ANO3: variants seen among roughly 807,000 people sequenced by gnomAD.
The protein encoded by ANO3 is anoctamin 3.
A neutral mutation model predicts 144.8 loss-of-function variants in ANO3; 99 were observed. That is an observed-to-expected ratio of 0.68 (90% CI 0.58 to 0.81). The LOEUF (loss-of-function observed/expected upper bound fraction) is 0.81. ANO3 is among the 30% of genes least tolerant of loss of function. ANO3 has a pLI of 0.00. For synonymous variants in ANO3, 414 were observed against 392.6 expected (o/e 1.05, Z -0.64); for missense variants, 905 against 1,202.2 (o/e 0.75, Z 3.66).
chr11:26,570,724 T>G (rs1193402972), intron 14 of ANO3, among the ~76,000 whole-genome samples: 6 of 152,186 alleles, frequency 3.9e-5, no homozygotes, highest in Admixed American at 1.3e-4. Context: ...TTTGTTTGTC[T>G]CTCAAAGAAA....
chr11:26,572,261 ATT>A, intron 14 of ANO3: 1 of 985,094 alleles, frequency 1.0e-6, no homozygotes, highest in Non-Finnish European at 1.2e-6. Context: ...AGCTGTAAGC[ATT>A]AAGATATCAC....
chr11:26,251,722 T>C (rs1006176142), intron 1 of ANO3, among the ~76,000 whole-genome samples: 1 of 152,138 alleles, frequency 6.6e-6, no homozygotes, highest in South Asian at 2.1e-4. Flanking sequence ...CTTACAATAA[T>C]GGCAGAAGGC....
intron 14 of ANO3, chr11:26,561,126 T>C: frequency 6.2e-7 from 1 of 1,612,962 alleles, no homozygotes. Flanking sequence ...TGCATTTTCT[T>C]CACTTTCTGG....
At chr11:26,301,832 T>C (rs1854239748) in intron 1 of ANO3, among the ~76,000 whole-genome samples, 1 of 152,244 alleles carries the variant, frequency 6.6e-6, no homozygotes, top group African/African-American at 2.4e-5. Flanking sequence ...CCCCCATTGA[T>C]GTCATCTCAA....
At position 26,465,150 on chromosome 11, in the gene ANO3, G is replaced by C. The variant is rs538949744; in HGVS notation, c.432+2002G>C. Among the ~76,000 whole-genome samples, 559 of 149,412 alleles carry C rather than the reference G, an allele frequency of 3.7e-3. 2 individuals are homozygous for C. The highest frequency in any genetic ancestry group is 0.013 in the African/African-American group (523 of 39,922). On this transcript the variant is annotated intron_variant, in intron 4 of 26. Transcript: ENST00000256737. ...TGTGTGTGTGTGTGTGTGTGTGTGT[G>C]TGTGTGTGTGTCTGTGTGTGAATTA...
rs908308999 is a variant in ANO3, at chr11:26,647,755, C to A, written c.2475C>A (p.Ile825=). The change falls in exon 24 of 27, where the codon ATC becomes ATA. Residue 825 remains isoleucine (I), a synonymous_variant. Transcript: ENST00000256737. ...AAGGAATCGGTATATTGGCTGTGAT[C>A]ACCAATGCATTTGTAATTGCTATTA... The part of the protein sequence containing the change: ...ILEGIGILAV[I]TNAFVIAITS... 1 of 1,612,492 alleles carries A rather than the reference C, an allele frequency of 6.2e-7. No homozygotes were observed. Among genetic ancestry groups the A allele is most frequent in the Middle Eastern group, 1.7e-4 (1 of 6,054 alleles).
intron 14 of ANO3, chr11:26,563,239 C>T (rs768389893): frequency 1.7e-5 from 27 of 1,605,578 alleles, no homozygotes; most frequent in African/African-American, 6.7e-5. Context: ...AAAATGGCCC[C>T]GAATACTATT....
rs76843214 is a variant in ANO3, at chr11:26,471,558, T to G, written c.432+8410T>G. On this transcript the variant is annotated intron_variant, in intron 4 of 26. Transcript: ENST00000256737. Reference sequence around the variant, plus strand: ...GGAACTCCCCTTACCAATCAAAATATGAAATAAGCAGCAACACCACCACCA... The same window carrying G: ...GGAACTCCCCTTACCAATCAAAATAGGAAATAAGCAGCAACACCACCACCA... Among the ~76,000 whole-genome samples the G allele has an allele frequency of 6.0e-3, 909 of 151,948 alleles. 9 individuals are homozygous for G. Among genetic ancestry groups the G allele is most frequent in the African/African-American group, 0.021 (862 of 41,470 alleles).
chr11:26,561,067 A>G (rs1197610872), intron 14 of ANO3: 1 of 1,609,852 alleles, frequency 6.2e-7, no homozygotes, highest in Non-Finnish European at 8.5e-7. Context: ...TGTTAGTTCT[A>G]TACAGAAGTA....
intron 4 of ANO3, among the ~76,000 whole-genome samples, chr11:26,475,363 T>G (rs911626631): frequency 6.6e-6 from 1 of 152,008 alleles, no homozygotes; most frequent in East Asian, 1.9e-4. Context: ...TTGAAAAAAA[T>G]TAATCTAGCT....
intron 1 of ANO3, among the ~76,000 whole-genome samples, chr11:26,413,094 T>G (rs1391199397): frequency 2.6e-5 from 4 of 151,920 alleles, no homozygotes; most frequent in South Asian, 4.1e-4. Context: ...GGCAAGAATA[T>G]TCTTACCTCA....
intron 1 of ANO3, among the ~76,000 whole-genome samples, chr11:26,423,062 C>A (rs1857799753): frequency 6.6e-6 from 1 of 151,884 alleles, no homozygotes; most frequent in Non-Finnish European, 1.5e-5. Context: ...TTCTCTATTT[C>A]TTTAAGTGTT....
chr11:26,596,410 G>T (rs928046124), intron 14 of ANO3, among the ~76,000 whole-genome samples: 2 of 152,074 alleles, frequency 1.3e-5, no homozygotes, highest in Non-Finnish European at 2.9e-5. Context: ...CTATTATGTT[G>T]TTGTAGACCC....
chr11:26,230,887 C>CT (rs765457226), intron 1 of ANO3, among the ~76,000 whole-genome samples: 202 of 68,476 alleles, frequency 2.9e-3, no homozygotes, highest in Middle Eastern at 0.01. Flanking sequence ...AAGTTTTTTT[C>CT]TTTTTTTTTT....
intron 1 of ANO3, among the ~76,000 whole-genome samples, chr11:26,270,036 G>C (rs777614324): frequency 1.3e-5 from 2 of 152,132 alleles, no homozygotes; most frequent in Non-Finnish European, 2.9e-5. Flanking sequence ...AAGGAGAGAG[G>C]CCTCAGAAGA....
chr11:26,390,947 T>C (rs1856859854), intron 1 of ANO3, among the ~76,000 whole-genome samples: 1 of 152,138 alleles, frequency 6.6e-6, no homozygotes, highest in African/African-American at 2.4e-5. Flanking sequence ...ATGTACATTT[T>C]AGGGTAATGA....
At chr11:26,244,678 G>A (rs1852743445) in intron 1 of ANO3, among the ~76,000 whole-genome samples, 3 of 152,218 alleles carry the variant, frequency 2.0e-5, no homozygotes, top group African/African-American at 7.2e-5. Context: ...TAACAGTTTT[G>A]CCATAGTTCT....
intron 1 of ANO3, among the ~76,000 whole-genome samples, chr11:26,346,865 C>T (rs867808434): frequency 3.3e-5 from 5 of 152,182 alleles, no homozygotes; most frequent in Admixed American, 6.5e-5. Context: ...TTTTAGACAC[C>T]GGCTTTAGTC....
intron 1 of ANO3, among the ~76,000 whole-genome samples, chr11:26,423,272 G>A (rs1185261561): frequency 6.7e-6 from 1 of 148,762 alleles, no homozygotes; most frequent in Non-Finnish European, 1.5e-5. Flanking sequence ...GGGGTTCCTT[G>A]TGGGTGGTTT....
Sources: gnomAD v4.1 joint callset for allele counts (sites outside exome capture counted in the v4.1 genomes callset) on GRCh38, gnomAD v4.1.1 for gene constraint, MANE v1.5 for transcripts, NCBI Gene and HGNC (gene_info 2026-07-23, HGNC 2026-07-21) for gene names.